Variants in TMC3 observed in about 807,000 individuals in gnomAD.
TMC3 encodes the protein transmembrane channel like 3.
In TMC3, 98 loss-of-function variants were observed where a neutral mutation model predicts 110.6. The observed-to-expected ratio is 0.89, with a 90% CI of 0.75 to 1.05. TMC3 has a LOEUF of 1.05. Among genes scored for constraint, TMC3 ranks in the 50% least tolerant of loss-of-function variants. TMC3 has a pLI of 0.00. For missense variants in TMC3, 1,319 were observed against 1,373.2 expected (o/e 0.96, Z 0.62); for synonymous variants, 489 against 513.1 (o/e 0.95, Z 0.63).
chr15:81,371,529 A>T (rs1894434654), intron 2 of TMC3, among the ~76,000 whole-genome samples: 1 of 152,202 alleles, frequency 6.6e-6, no homozygotes, highest in Non-Finnish European at 1.5e-5. Flanking sequence ...CTGCTTTGCC[A>T]GGAAGCTCCA....
In TMC3 at chr15:81,334,786, C is replaced by G. The variant is rs1302148791; in HGVS notation, c.2393G>C (p.Gly798Ala). ...AQSMPQSPRP[G>A]DRAPSSPLPG... The stretch of plus-strand genomic sequence containing the variant: ...GAGAGGTGAGCTAGGAGCCCTGTCC[C>G]CTGGCCTCGGGCTCTGGGGCATGGA... The change falls in exon 21 of 22, where the codon GGG (glycine) becomes GCG (alanine). Residue 798 changes from glycine to alanine, a missense_variant. Coordinates refer to ENST00000359440, the MANE Select transcript of TMC3 (RefSeq NM_001080532.3). 6.2e-7 allele frequency: 1 copy of G among 1,614,018 alleles called. No homozygotes were observed. The highest frequency in any genetic ancestry group is 8.5e-7 in the Non-Finnish European group (1 of 1,179,884).
At chr15:81,348,805 G>T (rs916593983) in intron 11 of TMC3, among the ~76,000 whole-genome samples, 1 of 151,952 alleles carries the variant, frequency 6.6e-6, no homozygotes, top group African/African-American at 2.4e-5. Context: ...GTTCCCTTTT[G>T]TTCATTTGTT....
In TMC3 at chr15:81,362,201, T is replaced by G. The variant is rs1894201850; in HGVS notation, c.394+19A>C. ...CTAGCATTGCATTCCTGCCCCACTC[T>G]CCAGGTGTAAATACTTACTCTCGAT... On this transcript the variant is annotated intron_variant, in intron 4 of 21. Transcript: ENST00000359440. 6.3e-7 allele frequency: 1 copy of G among 1,587,304 alleles called. No individual in the cohort carries two copies. The highest frequency in any genetic ancestry group is 1.8e-5 in the Admixed American group (1 of 56,602).
At chr15:81,363,280 T>C (rs1894232302) in intron 3 of TMC3, among the ~76,000 whole-genome samples, 1 of 152,150 alleles carries the variant, frequency 6.6e-6, no homozygotes, top group African/African-American at 2.4e-5. Flanking sequence ...TCTTATGTTT[T>C]TAAGATGCAA....
At position 81,334,757 on chromosome 15, in the gene TMC3, C is replaced by G. The variant is rs764294101; in HGVS notation, c.2422G>C (p.Gly808Arg). 6.2e-7 allele frequency: 1 copy of G among 1,613,992 alleles called. No individual in the cohort carries two copies. Among genetic ancestry groups the G allele is most frequent in the Admixed American group, 1.7e-5 (1 of 60,022 alleles). The change falls in exon 21 of 22, where the codon GGG (glycine) becomes CGG (arginine). Residue 808 changes from glycine (G) to arginine (R), a missense_variant. Gly to Arg is a moderately radical substitution (Grantham distance 125). Transcript: ENST00000359440. ...TGCTCTAGCCTGGATTTGGGGACCC[C>G]AGGGAGAGGTGAGCTAGGAGCCCTG... ...GDRAPSSPLP[G>R]VPKSRLEHET... is the part of the protein sequence containing the mutation.
chr15:81,333,391 G>A, intron 21 of TMC3, 129 bp from the exon 22 acceptor site: 1 of 1,262,992 alleles, frequency 7.9e-7, no homozygotes, highest in Non-Finnish European at 1.1e-6. Flanking sequence ...TAATGGGTAT[G>A]GATTGTGTGC....
At chr15:81,367,463 A>T (rs1156839427) in intron 3 of TMC3, among the ~76,000 whole-genome samples, 1 of 152,222 alleles carries the variant, frequency 6.6e-6, no homozygotes, top group Non-Finnish European at 1.5e-5. Context: ...CTTTGTTTCT[A>T]CACATTTATG....
intron 2 of TMC3, among the ~76,000 whole-genome samples, chr15:81,372,349 GACACACACACACAC>G (rs371289786): frequency 0.046 from 5,360 of 116,818 alleles, 158 homozygotes; most frequent in East Asian, 0.063. Flanking sequence ...CTGTCTCTCT[GACACACACACACAC>G]ACACACACAC....
intron 3 of TMC3, among the ~76,000 whole-genome samples, chr15:81,362,836 G>A (rs142304124): frequency 6.6e-6 from 1 of 152,262 alleles, no homozygotes; most frequent in African/African-American, 2.4e-5. Flanking sequence ...GATTACAAGT[G>A]CATCCCTGTT....
intron 16 of TMC3, among the ~76,000 whole-genome samples, chr15:81,339,815 T>C (rs1893675283): frequency 6.6e-6 from 1 of 152,252 alleles, no homozygotes; most frequent in Non-Finnish European, 1.5e-5. Flanking sequence ...TTCCACACAG[T>C]AAACTCAATT....
intron 12 of TMC3, among the ~76,000 whole-genome samples, chr15:81,345,812 G>A (rs1698838446): frequency 6.6e-6 from 1 of 152,184 alleles, no homozygotes; most frequent in East Asian, 1.9e-4. Context: ...GGGAGGTTGA[G>A]GCTGCAGTGA....
chr15:81,357,736 C>T (rs552882808), intron 7 of TMC3, among the ~76,000 whole-genome samples: 30 of 152,290 alleles, frequency 2.0e-4, no homozygotes, highest in African/African-American at 7.2e-4. Flanking sequence ...AAAGGAGGAC[C>T]TTTTGCTTTT....
At chr15:81,333,861 G>A (rs1027427924) in intron 21 of TMC3, among the ~76,000 whole-genome samples, 2 of 151,996 alleles carry the variant, frequency 1.3e-5, no homozygotes, top group African/African-American at 4.8e-5. Context: ...GTGGTGGCAG[G>A]TGCCTGTAAT....
chr15:81,374,042 G>T lies in TMC3; in HGVS notation c.36C>A (p.Gly12=). 5 of 1,613,844 alleles carry T rather than the reference G, an allele frequency of 3.1e-6. No homozygotes were observed. The highest frequency in any genetic ancestry group is 3.4e-6 in the Non-Finnish European group (4 of 1,179,852). ...AGCACTGGCTGGCATTTCTCCGGAT[G>T]CCTCTATAGCGCTGGGATGCCTTCG... ...KTSKASQRYR[G]IRRNASQCYL... Residue 12 remains glycine, a synonymous_variant, in exon 1 of 22, where the codon GGC becomes GGA. Transcript: ENST00000359440.
At chr15:81,360,145 A>T (rs553095851) in intron 4 of TMC3, among the ~76,000 whole-genome samples, 1 of 152,208 alleles carries the variant, frequency 6.6e-6, no homozygotes, top group East Asian at 1.9e-4. Context: ...AATCTAGTTT[A>T]TGTTTGTCAT....
At chr15:81,361,556 T>C (rs577882964) in intron 4 of TMC3, among the ~76,000 whole-genome samples, 1 of 152,340 alleles carries the variant, frequency 6.6e-6, no homozygotes, top group African/African-American at 2.4e-5. Flanking sequence ...CTTGGATATT[T>C]TTCCTTCCAT....
rs1893478970 is a variant in TMC3 at position 81,332,348 on chromosome 15, G to A, written c.*71C>T. ...ACTTGTTCACCTCTTTTTCCAGAAA[G>A]GGAGATGCCATGTGCTGGCCCAGCA... On this transcript the variant is annotated 3_prime_UTR_variant, in exon 22 of 22. Transcript: ENST00000359440. 6.7e-7 allele frequency: 1 copy of A among 1,491,946 alleles called. No individual in the cohort carries two copies. Among genetic ancestry groups the A allele is most frequent in the African/African-American group, 1.4e-5 (1 of 71,368 alleles). The allele number at this position is 1,491,946 out of a possible 1,614,324, so 92.4% of individuals were successfully genotyped here. A position where few individuals can be genotyped will look rare whatever the true frequency, so the allele number is the denominator to read the frequency against.
At position 81,343,205 on chromosome 15, in the gene TMC3, T is replaced by C. The variant is rs1460251391; in HGVS notation, c.1715+73A>G. 7 of 939,898 alleles carry C rather than the reference T, an allele frequency of 7.4e-6. No homozygotes were observed. The East Asian group carries it at 1.2e-4, about 16-fold the overall frequency. 58.2% of individuals were successfully genotyped at this position (939,898 alleles called of 1,614,324 possible). A position where few individuals can be genotyped will look rare whatever the true frequency, so the allele number is the denominator to read the frequency against. On this transcript the variant is annotated intron_variant, in intron 15 of 21. Coordinates refer to ENST00000359440, the MANE Select transcript of TMC3 (RefSeq NM_001080532.3). ...GTAACTGTGTTATGGTCGTGTCCCA[T>C]CTAGACTAAGTAAATTAAAATCTTA...
chr15:81,374,192 G>C lies in TMC3; in HGVS notation c.-115C>G. 1 of 816,138 alleles carries C rather than the reference G, an allele frequency of 1.2e-6. No individual in the cohort carries two copies. Among genetic ancestry groups the C allele is most frequent in the Non-Finnish European group, 2.0e-6 (1 of 491,988 alleles). The allele number at this position is 816,138 out of a possible 1,614,324, so 50.6% of individuals were successfully genotyped here. ...GCAGCGGAGTTTGCTCTGCCCGCTA[G>C]TTCTCAGGAAGAAGACTGTGTGCTT... On this transcript the variant is annotated 5_prime_UTR_variant, in exon 1 of 22. Coordinates refer to ENST00000359440, the MANE Select transcript of TMC3 (RefSeq NM_001080532.3).
Sources: allele counts gnomAD v4.1 joint callset (sites outside exome capture counted in the v4.1 genomes callset), GRCh38; gene constraint gnomAD v4.1.1; transcripts MANE v1.5; gene names NCBI Gene and HGNC (gene_info 2026-07-23, HGNC 2026-07-21).